NAV3: variants seen among roughly 807,000 people sequenced by gnomAD.
NAV3 encodes the protein pore membrane and/or filament interacting like protein 1.
NAV3 carries 87 observed loss-of-function variants against 244.7 expected under a neutral mutation model. The observed-to-expected ratio is 0.36, with a 90% CI of 0.30 to 0.42. The LOEUF is 0.42. Among genes scored for constraint, NAV3 ranks in the 20% least tolerant of loss-of-function variants. NAV3 has a pLI of 1.00. For missense variants in NAV3, 2,663 were observed against 2,893.3 expected (o/e 0.92, Z 1.83); for synonymous variants, 1,126 against 1,042.2 (o/e 1.08, Z -1.55).
intron 1 of NAV3, among the ~76,000 whole-genome samples, chr12:77,915,000 A>T (rs1222338639): frequency 6.6e-6 from 1 of 152,048 alleles, no homozygotes; most frequent in Non-Finnish European, 1.5e-5. Context: ...GTTACAAAAT[A>T]CATATTTAAG....
At chr12:77,708,456 T>C (rs1875942113) in intron 2 of NAV3, among the ~76,000 whole-genome samples, 1 of 152,244 alleles carries the variant, frequency 6.6e-6, no homozygotes, top group Non-Finnish European at 1.5e-5. Flanking sequence ...TTTTGGTTAC[T>C]GTAGCCTTGT....
chr12:78,176,232 C>CAA (rs3054757), intron 25 of NAV3, among the ~76,000 whole-genome samples: 4,111 of 146,972 alleles, frequency 0.028, 200 homozygotes, highest in African/African-American at 0.098. Flanking sequence ...CTTTTAATAC[C>CAA]AAAAAAAAAA....
At chr12:77,700,200 C>T (rs1331308568) in intron 2 of NAV3, among the ~76,000 whole-genome samples, 1 of 152,044 alleles carries the variant, frequency 6.6e-6, no homozygotes, top group Non-Finnish European at 1.5e-5. Context: ...GAGAGGTGGG[C>T]AAACTCTGGC....
chr12:77,869,696 G>T (rs1248715786), intron 1 of NAV3, among the ~76,000 whole-genome samples: 3 of 151,992 alleles, frequency 2.0e-5, no homozygotes, highest in African/African-American at 4.8e-5. Flanking sequence ...TTTGCTTTAT[G>T]CTCACTTGTA....
At chr12:78,200,863 T>C (rs1959594716) in intron 38 of NAV3, among the ~76,000 whole-genome samples, 1 of 152,018 alleles carries the variant, frequency 6.6e-6, no homozygotes, top group Non-Finnish European at 1.5e-5. Context: ...GTTGTTTTTA[T>C]TAGACAGCTA....
At chr12:77,580,727 A>G (rs896584814) in intron 2 of NAV3, among the ~76,000 whole-genome samples, 2 of 152,226 alleles carry the variant, frequency 1.3e-5, no homozygotes, top group Non-Finnish European at 2.9e-5. Flanking sequence ...AAAATTCTCA[A>G]TACATGAACT....
intron 12 of NAV3, among the ~76,000 whole-genome samples, chr12:78,113,587 G>A (rs983243626): frequency 6.6e-6 from 1 of 152,176 alleles, no homozygotes; most frequent in African/African-American, 2.4e-5. Flanking sequence ...AGCTGGAGCA[G>A]CTGGGTTGCA....
chr12:77,572,469 C>T (rs1319349877), intron 2 of NAV3, among the ~76,000 whole-genome samples: 4 of 152,162 alleles, frequency 2.6e-5, no homozygotes, highest in Middle Eastern at 3.4e-3. Context: ...ATTTATCTAT[C>T]CAGTGGGTTG....
chr12:77,672,936 G>C (rs1874051498), intron 2 of NAV3, among the ~76,000 whole-genome samples: 1 of 152,034 alleles, frequency 6.6e-6, no homozygotes, highest in Non-Finnish European at 1.5e-5. Flanking sequence ...TAACAACTAA[G>C]GGCTTCCAAA....
intron 2 of NAV3, among the ~76,000 whole-genome samples, chr12:77,819,280 G>C (rs949026241): frequency 6.6e-6 from 1 of 151,596 alleles, no homozygotes; most frequent in Non-Finnish European, 1.5e-5. Context: ...TTTTCTTCAC[G>C]TCTCAACTGA....
intron 33 of NAV3, 105 bp from the exon 34 acceptor site, chr12:78,189,879 A>G (rs1188842584): frequency 1.3e-6 from 1 of 785,284 alleles, no homozygotes; most frequent in East Asian, 2.6e-5. Flanking sequence ...TTTTTCAAGG[A>G]CTCTATTCCT....
intron 2 of NAV3, among the ~76,000 whole-genome samples, chr12:77,768,622 G>A (rs556515194): frequency 2.0e-5 from 3 of 152,352 alleles, no homozygotes; most frequent in Admixed American, 6.5e-5. Context: ...GGAGTGGGGA[G>A]CTGCCAGGCA....
intron 39 of NAV3, among the ~76,000 whole-genome samples, chr12:78,207,172 T>TATCCACTATTTAGTGTCAAGAAAC: frequency 6.6e-6 from 1 of 152,168 alleles, no homozygotes; most frequent in Admixed American, 6.6e-5. Context: ...TCCTACAAAA[T>TATCCACTATTTAGTGTCAAGAAAC]ATCCACTATT....
chr12:77,597,356 C>T (rs141320202), intron 2 of NAV3, among the ~76,000 whole-genome samples: 2 of 152,176 alleles, frequency 1.3e-5, no homozygotes, highest in East Asian at 1.9e-4. Flanking sequence ...CTGTCTCTTC[C>T]AGTAAGCCAT....
At chr12:78,112,848 A>C (rs1955170778) in intron 12 of NAV3, among the ~76,000 whole-genome samples, 1 of 152,172 alleles carries the variant, frequency 6.6e-6, no homozygotes, top group Admixed American at 6.5e-5. Context: ...GTCCAAGTCC[A>C]AAGTCTAATC....
intron 23 of NAV3, 28 bp from the exon 24 acceptor site, chr12:78,168,727 A>G (rs1957882018): frequency 6.7e-7 from 1 of 1,493,844 alleles, no homozygotes; most frequent in African/African-American, 1.4e-5. Context: ...TCGGGTACTA[A>G]AGCTTCCAAA....
intron 5 of NAV3, among the ~76,000 whole-genome samples, chr12:77,992,158 C>T (rs1363940493): frequency 1.3e-5 from 2 of 152,136 alleles, no homozygotes; most frequent in African/African-American, 2.4e-5. Context: ...TTTCACTTAT[C>T]TATTTGAGAA....
intron 2 of NAV3, among the ~76,000 whole-genome samples, chr12:77,703,232 C>A (rs896762347): frequency 5.3e-5 from 8 of 152,046 alleles, no homozygotes; most frequent in African/African-American, 1.9e-4. Flanking sequence ...TGTTTTCTGT[C>A]CCTAAAGTTT....
chr12:77,763,847 A>C (rs1869610941), intron 2 of NAV3, among the ~76,000 whole-genome samples: 1 of 152,214 alleles, frequency 6.6e-6, no homozygotes. Context: ...GGTCCCACAC[A>C]GTTCCAGTCT....
Sources: allele counts gnomAD v4.1 joint callset (sites outside exome capture counted in the v4.1 genomes callset), GRCh38; gene constraint gnomAD v4.1.1; transcripts MANE v1.5; gene names NCBI Gene and HGNC (gene_info 2026-07-23, HGNC 2026-07-21).